Variants in ROBO2 observed in about 807,000 individuals in gnomAD.
ROBO2 encodes the protein roundabout homolog 2.
A neutral mutation model predicts 160.8 loss-of-function variants in ROBO2; 53 were observed. The ratio of observed to expected loss-of-function variants is 0.33; its 90% CI spans 0.26 to 0.41. ROBO2 has a LOEUF of 0.41. Ranked by LOEUF, ROBO2 falls within the 10% of genes least tolerant of loss-of-function variation. ROBO2 has a pLI of 1.00. For synonymous variants in ROBO2, 664 were observed against 611.7 expected, an observed-to-expected ratio of 1.09 and a Z score of -1.26; for missense variants, 1,577 against 1,722.4, an observed-to-expected ratio of 0.92 and a Z score of 1.49.
At chr3:75,921,321 T>A (rs1947038397) in intron 1 of ROBO2, among the ~76,000 whole-genome samples, 1 of 151,160 alleles carries the variant, frequency 6.6e-6, no homozygotes, top group Non-Finnish European at 1.5e-5. Context: ...AAATTCCGTA[T>A]GTACATCATG....
intron 2 of ROBO2, among the ~76,000 whole-genome samples, chr3:76,104,784 T>C (rs900405778): frequency 1.1e-4 from 17 of 152,212 alleles, no homozygotes; most frequent in Admixed American, 1.1e-3. Context: ...TCATGTCTAC[T>C]GATTAGGAAA....
intron 2 of ROBO2, among the ~76,000 whole-genome samples, chr3:76,017,349 A>G (rs768533312): frequency 1.3e-5 from 2 of 152,158 alleles, no homozygotes; most frequent in Admixed American, 6.6e-5. Flanking sequence ...AATGGAATAT[A>G]TATTGAATAT....
At chr3:76,657,659 TATATATGTGTATATATATAC>T (rs1560319187) in intron 2 of ROBO2, among the ~76,000 whole-genome samples, 13 of 137,260 alleles carry the variant, frequency 9.5e-5, no homozygotes, top group African/African-American at 3.4e-4. Flanking sequence ...TATATATTCA[TATATATGTGTATATATATAC>T]ATATATGTGT....
chr3:77,592,035 A>C (rs1246820168), intron 17 of ROBO2, among the ~76,000 whole-genome samples: 1 of 152,244 alleles, frequency 6.6e-6, no homozygotes, highest in Non-Finnish European at 1.5e-5. Context: ...ACTTTTCAAA[A>C]TAGAACAAAT....
At chr3:77,300,009 C>T (rs577318407) in intron 2 of ROBO2, among the ~76,000 whole-genome samples, 1 of 152,050 alleles carries the variant, frequency 6.6e-6, no homozygotes, top group Admixed American at 6.6e-5. Flanking sequence ...AAAAAAATAC[C>T]TCACTCTTTC....
intron 2 of ROBO2, among the ~76,000 whole-genome samples, chr3:76,638,412 A>G (rs1420058346): frequency 6.6e-6 from 1 of 152,154 alleles, no homozygotes; most frequent in Non-Finnish European, 1.5e-5. Context: ...TATTACTCAC[A>G]ATTCCTGTTA....
At chr3:77,420,889 C>A (rs763276675) in intron 2 of ROBO2, among the ~76,000 whole-genome samples, 4 of 152,098 alleles carry the variant, frequency 2.6e-5, no homozygotes, top group African/African-American at 9.7e-5. Context: ...CATTTTTCCC[C>A]ACATTGACAG....
intron 1 of ROBO2, among the ~76,000 whole-genome samples, chr3:75,921,355 T>TACAC (rs140153801): frequency 3.9e-4 from 59 of 151,124 alleles, no homozygotes; most frequent in South Asian, 1.7e-3. Flanking sequence ...GTGATATACA[T>TACAC]ACACACACAC....
chr3:77,464,479 T>C (rs2082562167), intron 2 of ROBO2, among the ~76,000 whole-genome samples: 1 of 152,128 alleles, frequency 6.6e-6, no homozygotes, highest in African/African-American at 2.4e-5. Context: ...GGTTGAATAT[T>C]ATGATTGAAG....
chr3:77,383,616 C>T (rs765767067), intron 2 of ROBO2, among the ~76,000 whole-genome samples: 2 of 151,934 alleles, frequency 1.3e-5, no homozygotes, highest in African/African-American at 2.4e-5. Flanking sequence ...TGAAATTTAA[C>T]TATTTTTTGG....
exon 1 of ROBO2, chr3:77,040,758 G>T (rs995030051): frequency 6.2e-6 from 10 of 1,613,922 alleles, no homozygotes; most frequent in Admixed American, 1.7e-5. Context: ...GTTTCTTAAA[G>T]AATCTGGATC....
intron 2 of ROBO2, among the ~76,000 whole-genome samples, chr3:76,476,301 A>G (rs2078927135): frequency 6.6e-6 from 1 of 151,956 alleles, no homozygotes; most frequent in Admixed American, 6.6e-5. Flanking sequence ...CATTGAAGTA[A>G]TTGCTTGTAA....
At chr3:77,058,528 TTTTA>T (rs1008978436) in intron 1 of ROBO2, among the ~76,000 whole-genome samples, 1 of 152,046 alleles carries the variant, frequency 6.6e-6, no homozygotes, top group African/African-American at 2.4e-5. Flanking sequence ...TTGCTTTTAT[TTTTA>T]TTTATTTATT....
chr3:76,283,152 AAAAC>A (rs1559717395), intron 2 of ROBO2, among the ~76,000 whole-genome samples: 14 of 130,912 alleles, frequency 1.1e-4, no homozygotes, highest in East Asian at 2.5e-4. Context: ...ATATATATAT[AAAAC>A]TACATATATA....
rs10691388 is a variant in ROBO2, at chr3:76,127,894, C to CTTTT, written c.109+190308_109+190311dup. Among the ~76,000 whole-genome samples, 292 of 117,564 alleles carry CTTTT rather than the reference C, an allele frequency of 2.5e-3. 5 individuals carry two copies. The highest frequency in any genetic ancestry group is 2.9e-3 in the Non-Finnish European group (176 of 61,026). The allele number at this position is 117,564 out of a possible 152,430, so 77.1% of individuals were successfully genotyped here. A position where few individuals can be genotyped will look rare whatever the true frequency, so the allele number is the denominator to read the frequency against. ...GAACTGTATGTTCTTGAAGACATTT[C>CTTTT]TTTTTTTTTTTTTTTTTTTGAGACG... On this transcript the variant is annotated intron_variant, in intron 2 of 26. Coordinates refer to the ROBO2 transcript ENST00000487694.
intron 2 of ROBO2, among the ~76,000 whole-genome samples, chr3:77,193,254 C>G (rs1214269887): frequency 2.0e-5 from 3 of 149,612 alleles, no homozygotes; most frequent in Non-Finnish European, 4.4e-5. Flanking sequence ...GAGGACCTAC[C>G]AAGATGGTCA....
At chr3:76,007,471 G>A (rs2066056014) in intron 2 of ROBO2, among the ~76,000 whole-genome samples, 1 of 152,088 alleles carries the variant, frequency 6.6e-6, no homozygotes, top group Admixed American at 6.6e-5. Context: ...TATCGAAAGT[G>A]TACTTATGTT....
At chr3:77,203,825 G>A (rs2083151506) in intron 2 of ROBO2, among the ~76,000 whole-genome samples, 1 of 152,162 alleles carries the variant, frequency 6.6e-6, no homozygotes, top group South Asian at 2.1e-4. Context: ...TATTCACACC[G>A]ATTTTGCAGA....
At chr3:76,498,531 T>A (rs943338418) in intron 2 of ROBO2, among the ~76,000 whole-genome samples, 1 of 151,766 alleles carries the variant, frequency 6.6e-6, no homozygotes, top group African/African-American at 2.4e-5. Context: ...ATATAATAAA[T>A]ATATATTTCT....
Sources: gnomAD v4.1 joint callset for allele counts (sites outside exome capture counted in the v4.1 genomes callset) on GRCh38, gnomAD v4.1.1 for gene constraint, MANE v1.5 for transcripts, NCBI Gene and HGNC (gene_info 2026-07-23, HGNC 2026-07-21) for gene names.